The following KLF8 variants were observed in gnomAD, a reference collection of about 807,000 sequenced individuals.
KLF8 encodes Krueppel-like factor 8.
A neutral mutation model predicts 18.2 loss-of-function variants in KLF8; 10 were observed. The ratio of observed to expected loss-of-function variants is 0.55; its 90% CI spans 0.34 to 0.93. KLF8 has a LOEUF of 0.93. KLF8 is among the 40% of genes least tolerant of loss of function. The pLI, the probability that KLF8 is intolerant of heterozygous loss-of-function variation, is 0.02. For synonymous variants in KLF8, 109 were observed against 97.3 expected, an observed-to-expected ratio of 1.12 and a Z score of -0.71; for missense variants, 264 against 277.9, an observed-to-expected ratio of 0.95 and a Z score of 0.36.
At chrX:55,951,430 C>T in the KLF8 span, among the ~76,000 whole-genome samples, 2 of 102,433 alleles carry the variant, frequency 2.0e-5, no homozygotes, top group African/African-American at 3.6e-5. Flanking sequence ...GAGCTGAGAC[C>T]ATGCCATTGC....
the KLF8 span, among the ~76,000 whole-genome samples, chrX:55,985,935 G>A: frequency 7.2e-5 from 8 of 110,625 alleles, no homozygotes; most frequent in Non-Finnish European, 1.1e-4. Context: ...CTCTGCTTGC[G>A]TGTTGTTGGT....
the KLF8 span, among the ~76,000 whole-genome samples, chrX:55,931,135 T>G: frequency 8.9e-6 from 1 of 111,907 alleles, no homozygotes; most frequent in Non-Finnish European, 1.9e-5. Context: ...TGTGTTTGTG[T>G]GTCCAGGAGC....
chrX:56,015,146 T>G, the KLF8 span: 2 of 111,232 alleles, frequency 1.8e-5, no homozygotes, highest in Admixed American at 9.6e-5. Context: ...ACCCCTGAAC[T>G]TAAAATAAAG....
chrX:55,924,957 T>C, the KLF8 span, among the ~76,000 whole-genome samples: 7 of 96,428 alleles, frequency 7.3e-5, no homozygotes, highest in African/African-American at 2.2e-4. Flanking sequence ...CCGGGTTCAA[T>C]TGATTCTCCT....
the KLF8 span, among the ~76,000 whole-genome samples, chrX:55,940,108 C>T: frequency 8.9e-6 from 1 of 112,073 alleles, no homozygotes; most frequent in African/African-American, 3.2e-5. Context: ...CCTTGATGAA[C>T]ATTGATGCAA....
intron 5 of KLF8, among the ~76,000 whole-genome samples, chrX:56,280,234 T>C (rs1030975086): frequency 8.9e-6 from 1 of 111,739 alleles, no homozygotes; most frequent in Non-Finnish European, 1.9e-5. Flanking sequence ...ATTCTTACCA[T>C]TATCTTTTTT....
At chrX:56,119,690 G>A in the KLF8 span, among the ~76,000 whole-genome samples, 4 of 109,668 alleles carry the variant, frequency 3.6e-5, no homozygotes, top group South Asian at 3.9e-4. Flanking sequence ...GTGAGCCACC[G>A]CGCCTGGCCT....
the KLF8 span, among the ~76,000 whole-genome samples, chrX:55,982,346 C>G: frequency 9.0e-6 from 1 of 111,620 alleles, no homozygotes; most frequent in Non-Finnish European, 1.9e-5. Context: ...GGCCATAGAG[C>G]TTTCTGTAGT....
the KLF8 span, among the ~76,000 whole-genome samples, chrX:56,207,763 C>A: frequency 9.1e-6 from 1 of 110,345 alleles, no homozygotes; most frequent in East Asian, 2.8e-4. Flanking sequence ...TTACCCAGTT[C>A]GAAAGTTGCT....
chrX:55,972,053 G>T, the KLF8 span, among the ~76,000 whole-genome samples: 1 of 111,039 alleles, frequency 9.0e-6, no homozygotes, highest in Non-Finnish European at 1.9e-5. Flanking sequence ...ATACCCAAAA[G>T]AAAGGAAATC....
the KLF8 span, among the ~76,000 whole-genome samples, chrX:55,924,373 G>A: frequency 8.1e-3 from 907 of 111,520 alleles, 10 homozygotes; most frequent in Non-Finnish European, 0.012. Context: ...CACTGCGCCC[G>A]GCCCTGACAT....
chrX:56,207,948 A>C, the KLF8 span, among the ~76,000 whole-genome samples: 2 of 111,255 alleles, frequency 1.8e-5, no homozygotes, highest in Non-Finnish European at 3.8e-5. Context: ...CAATCATGGC[A>C]GAAGGTGAAT....
At chrX:56,005,766 G>A in the KLF8 span, among the ~76,000 whole-genome samples, 4 of 112,246 alleles carry the variant, frequency 3.6e-5, no homozygotes, top group Admixed American at 1.9e-4. Context: ...TTGGTGGGTG[G>A]CTGTGGGTGA....
the KLF8 span, among the ~76,000 whole-genome samples, chrX:56,217,433 T>G: frequency 9.0e-6 from 1 of 110,895 alleles, no homozygotes; most frequent in Non-Finnish European, 1.9e-5. Context: ...TATTTTATTC[T>G]GAGACAGAGT....
At chrX:55,949,520 A>G in the KLF8 span, among the ~76,000 whole-genome samples, 3 of 111,267 alleles carry the variant, frequency 2.7e-5, no homozygotes, top group Non-Finnish European at 5.7e-5. Context: ...AGCACCGGGC[A>G]TGGTGGCTCA....
At chrX:56,147,445 T>C in the KLF8 span, among the ~76,000 whole-genome samples, 1 of 111,528 alleles carries the variant, frequency 9.0e-6, no homozygotes, top group African/African-American at 3.3e-5. Context: ...ATGGGATTTG[T>C]GCAAAAACAA....
the KLF8 span, among the ~76,000 whole-genome samples, chrX:56,141,188 A>G: frequency 9.0e-6 from 1 of 111,575 alleles, no homozygotes; most frequent in Non-Finnish European, 1.9e-5. Context: ...GTTGCCCTTG[A>G]ACTCCTGAGC....
At chrX:55,939,400 A>T in the KLF8 span, among the ~76,000 whole-genome samples, 1 of 111,750 alleles carries the variant, frequency 8.9e-6, no homozygotes, top group East Asian at 2.8e-4. Flanking sequence ...AATTTATAGC[A>T]CTAAATGCCC....
At chrX:55,939,055 A>T in the KLF8 span, among the ~76,000 whole-genome samples, 1 of 112,081 alleles carries the variant, frequency 8.9e-6, no homozygotes, top group African/African-American at 3.2e-5. Flanking sequence ...TCTACACCCC[A>T]AATCAGCAGA....
Sources: allele counts gnomAD v4.1 joint callset (sites outside exome capture counted in the v4.1 genomes callset), GRCh38; gene constraint gnomAD v4.1.1; transcripts MANE v1.5; gene names NCBI Gene and HGNC (gene_info 2026-07-23, HGNC 2026-07-21).